Variants in RGS14 observed in about 807,000 individuals in gnomAD.
RGS14 encodes regulator of G-protein signaling 14.
In RGS14, 33 loss-of-function variants were observed where a neutral mutation model predicts 63.8. That is an observed-to-expected ratio of 0.52 (90% CI 0.39 to 0.69). RGS14 has a LOEUF of 0.69. Among genes scored for constraint, RGS14 ranks in the 30% least tolerant of loss-of-function variants. RGS14 has a pLI of 0.00. For missense variants in RGS14, 739 were observed against 742.9 expected (o/e 0.99, Z 0.06); for synonymous variants, 296 against 320.9 (o/e 0.92, Z 0.83).
At chr5:177,365,555 A>G (rs1189147852) in intron 1 of RGS14, among the ~76,000 whole-genome samples, 6 of 152,162 alleles carry the variant, frequency 3.9e-5, no homozygotes. Flanking sequence ...ATGGAAGCAA[A>G]TGGTTTGCCT....
intron 1 of RGS14, 122 bp from the exon 2 acceptor site, chr5:177,365,841 A>G: frequency 1.0e-6 from 1 of 983,044 alleles, no homozygotes; most frequent in South Asian, 1.3e-5. Context: ...ACCAAGTAGA[A>G]CCTGGCCGGG....
Position 177,358,659 on chromosome 5 carries a change from C to T in RGS14, c.45+590C>T, listed in dbSNP as rs1224047312. 1.3e-5 allele frequency among the ~76,000 whole-genome samples: 2 copies of T among 152,208 alleles called. No individual in the cohort carries two copies. Among genetic ancestry groups the T allele is most frequent in the Admixed American group, 6.5e-5 (1 of 15,288 alleles). ...CCAGGAAGGGCTGAGCACTAAGATCCCCCTGGCTGCAGCTGCCCCACCCCT... is the reference window on the plus strand; with the variant it reads ...CCAGGAAGGGCTGAGCACTAAGATCTCCCTGGCTGCAGCTGCCCCACCCCT... On this transcript the variant is annotated intron_variant, in intron 1 of 14. Transcript: ENST00000408923. This position sits in a 1 kb window ranked among gnomAD's most constrained non-coding sequence, Gnocchi z 4.8.
intron 10 of RGS14, 114 bp from the exon 11 acceptor site, chr5:177,370,791 T>C (rs1464803050): frequency 1.7e-6 from 2 of 1,171,318 alleles, no homozygotes; most frequent in African/African-American, 1.6e-5. Flanking sequence ...CCCCGCCCCC[T>C]ACAAGCCAGT....
chr5:177,371,351 T>G lies in RGS14; in HGVS notation c.1338T>G (p.Gly446=), dbSNP rs1762264950. ...TAACTGTGGCCCTCTCTGCTGCAGG[T>G]GTGAAGATCTCCAAAGCCCGTGACA... ...AQRLVLDTLP[G]VKISKARDKS... The change falls in exon 13 of 15, where the codon GGT becomes GGG. Residue 446 remains glycine, a splice_region_variant and synonymous_variant. Transcript: ENST00000408923. The surrounding 1 kb of genome is among the most constrained non-coding windows in gnomAD (Gnocchi z 6.1). The G allele has an allele frequency of 6.2e-7, 1 of 1,613,612 alleles. No individual in the cohort carries two copies. Among genetic ancestry groups the G allele is most frequent in the Non-Finnish European group, 8.5e-7 (1 of 1,179,920 alleles).
intron 9 of RGS14, among the ~76,000 whole-genome samples, chr5:177,370,000 C>A (rs1190690289): frequency 1.3e-5 from 2 of 152,232 alleles, no homozygotes; most frequent in East Asian, 3.8e-4. Flanking sequence ...TGTTTATGTA[C>A]CTACTGTGTG....
chr5:177,369,986 T>TTACTGTTTATGTACC (rs1762199411), intron 9 of RGS14, among the ~76,000 whole-genome samples: 1 of 152,082 alleles, frequency 6.6e-6, no homozygotes. Flanking sequence ...ATCACGAGAG[T>TTACTGTTTATGTACC]TACTGTTTAT....
chr5:177,369,983 G>C (rs939761173), intron 9 of RGS14, among the ~76,000 whole-genome samples: 4 of 152,260 alleles, frequency 2.6e-5, no homozygotes, highest in Non-Finnish European at 5.9e-5. Flanking sequence ...GTCATCACGA[G>C]AGTTACTGTT....
chr5:177,371,459 C>T lies in RGS14; in HGVS notation c.1384-16C>T, dbSNP rs1158572539. ...TCTCCCCTCCCGATTTTGGCTCTGA[C>T]CCCAAATTCTCGCAGGGCTGCCCAC... is the stretch of plus-strand genomic sequence containing the variant. On this transcript the variant is annotated splice_polypyrimidine_tract_variant and intron_variant, in intron 13 of 14. Coordinates refer to ENST00000408923, the MANE Select transcript of RGS14 (RefSeq NM_006480.5). This position sits in a 1 kb window ranked among gnomAD's most constrained non-coding sequence, Gnocchi z 6.1. The T allele has an allele frequency of 6.2e-7, 1 of 1,614,078 alleles. No homozygotes were observed. Among genetic ancestry groups the T allele is most frequent in the Admixed American group, 1.7e-5 (1 of 60,014 alleles).
rs1268782905 is a variant in RGS14 at position 177,358,723 on chromosome 5, G to T, written c.45+654G>T. 6.6e-6 allele frequency among the ~76,000 whole-genome samples: 1 copy of T among 152,360 alleles called. No homozygotes were observed. The highest frequency in any genetic ancestry group is 1.9e-4 in the East Asian group (1 of 5,188). On this transcript the variant is annotated intron_variant, in intron 1 of 14. Transcript: ENST00000408923. This position sits in a 1 kb window ranked among gnomAD's most constrained non-coding sequence, Gnocchi z 4.8. ...GGCTGCTTAGCCCCAGATCAGAGCTGCCCTCAGAGGATCTGGCTCTTCTCA... is the reference window on the plus strand; with the variant it reads ...GGCTGCTTAGCCCCAGATCAGAGCTTCCCTCAGAGGATCTGGCTCTTCTCA...
intron 1 of RGS14, among the ~76,000 whole-genome samples, chr5:177,360,777 G>C (rs1238939807): frequency 6.6e-6 from 1 of 152,152 alleles, no homozygotes; most frequent in Non-Finnish European, 1.5e-5. Flanking sequence ...GCTGGGCGTG[G>C]TGGTATGTGC....
Position 177,366,968 on chromosome 5 carries a change from G to A in RGS14, c.417G>A (p.Gln139=). 1 of 1,613,862 alleles carries A rather than the reference G, an allele frequency of 6.2e-7. No homozygotes were observed. The highest frequency in any genetic ancestry group is 1.1e-5 in the South Asian group (1 of 91,042). ...TGAGCCCAGTGAACATCGACCGTCA[G>A]GCCTGGCTTGGCGAGGAGGTGCTGG... The part of the protein sequence containing the change: ...QALSPVNIDR[Q]AWLGEEVLAE... The change falls in exon 5 of 15, where the codon CAG becomes CAA. Residue 139 remains glutamine (Q), a synonymous_variant. Coordinates refer to ENST00000408923, the MANE Select transcript of RGS14 (RefSeq NM_006480.5).
chr5:177,368,704 T>C lies in RGS14; in HGVS notation c.850-13T>C. 1 of 1,613,716 alleles carries C rather than the reference T, an allele frequency of 6.2e-7. No individual in the cohort carries two copies. Among genetic ancestry groups the C allele is most frequent in the Non-Finnish European group, 8.5e-7 (1 of 1,179,908 alleles). Reference sequence around the variant, plus strand: ...GTGTACACATAATCTCCCCCACTCCTGCCATGAATCAGAGCCACCGGAAGA... The same window carrying C: ...GTGTACACATAATCTCCCCCACTCCCGCCATGAATCAGAGCCACCGGAAGA... On this transcript the variant is annotated splice_polypyrimidine_tract_variant and intron_variant, in intron 8 of 14. Coordinates refer to ENST00000408923, the MANE Select transcript of RGS14 (RefSeq NM_006480.5).
In RGS14 at chr5:177,370,952, C is replaced by G. The variant is rs746670449; in HGVS notation, c.1175C>G (p.Pro392Arg). ...CGCGTGGTACGAATCTCAGCCAAGC[C>G]CACCAAGCGGCTGCAGGAGGCGCTG... is the stretch of plus-strand genomic sequence containing the variant. ...LERVVRISAK[P>R]TKRLQEALQP... is the part of the protein sequence containing the mutation. Residue 392 changes from proline to arginine, a missense_variant, in exon 11 of 15, where the codon CCC becomes CGC. By Grantham distance (103) the Pro-to-Arg change is moderately radical. Transcript: ENST00000408923. The G allele has an allele frequency of 1.2e-6, 2 of 1,608,242 alleles. No homozygotes were observed. Among genetic ancestry groups the G allele is most frequent in the African/African-American group, 2.7e-5 (2 of 74,858 alleles).
Position 177,371,757 on chromosome 5 carries a change from A to C in RGS14, c.1499-116A>C, listed in dbSNP as rs1290798015. On this transcript the variant is annotated intron_variant, in intron 14 of 14. Coordinates refer to ENST00000408923, the MANE Select transcript of RGS14 (RefSeq NM_006480.5). This position sits in a 1 kb window ranked among gnomAD's most constrained non-coding sequence, Gnocchi z 6.1. ...CAAAGGGGCTGGAACAGGGGGCCGC[A>C]GGCCATTGGTGCTGGGGCCAGGGAG... 1 of 1,278,466 alleles carries C rather than the reference A, an allele frequency of 7.8e-7. No homozygotes were observed. Among genetic ancestry groups the C allele is most frequent in the East Asian group, 2.4e-5 (1 of 41,654 alleles). 79.2% of individuals were successfully genotyped at this position (1,278,466 alleles called of 1,614,324 possible).
chr5:177,369,815 G>A (rs545322037), intron 9 of RGS14, among the ~76,000 whole-genome samples: 10 of 152,332 alleles, frequency 6.6e-5, no homozygotes, highest in African/African-American at 1.7e-4. Flanking sequence ...CCGCTAGGGC[G>A]GCTGCCAGCA....
chr5:177,366,220 C>T lies in RGS14; in HGVS notation c.111C>T (p.Arg37=), dbSNP rs760570278. ...TTGPQGQGEG[R]GSSLSIHSLP... ...GGCCCCAGGGCCAGGGCGAGGGCCG[C>T]GGCAGCTCTCTCAGCATCCACAGCC... Residue 37 remains arginine (R), a synonymous_variant, in exon 3 of 15, where the codon CGC becomes CGT. Transcript: ENST00000408923. 8.7e-6 allele frequency: 14 copies of T among 1,602,594 alleles called. No homozygotes were observed. The highest frequency in any genetic ancestry group is 3.4e-5 in the South Asian group (3 of 89,540).
chr5:177,368,875 C>G lies in RGS14; in HGVS notation c.1008C>G (p.Gly336=). The stretch of plus-strand genomic sequence containing the variant: ...TGGCAGGGATCTGTGAGAAACGAGG[C>G]CTCTCTCTACCTGACATCAAGGTCT... ...DMLAGICEKR[G]LSLPDIKVYL... Residue 336 remains glycine, a synonymous_variant, in exon 9 of 15, where the codon GGC becomes GGG. Coordinates refer to ENST00000408923, the MANE Select transcript of RGS14 (RefSeq NM_006480.5). The G allele has an allele frequency of 6.2e-7, 1 of 1,614,178 alleles. No individual in the cohort carries two copies. The highest frequency in any genetic ancestry group is 8.5e-7 in the Non-Finnish European group (1 of 1,180,032).
intron 1 of RGS14, among the ~76,000 whole-genome samples, chr5:177,363,096 CG>C (rs1013235429): frequency 6.6e-6 from 1 of 152,118 alleles, no homozygotes; most frequent in South Asian, 2.1e-4. Context: ...GCGGTGCAGC[CG>C]GGGGAGGAGG....
intron 6 of RGS14, 48 bp from the exon 7 acceptor site, chr5:177,367,666 T>A (rs754016735): frequency 6.3e-7 from 1 of 1,595,530 alleles, no homozygotes; most frequent in Non-Finnish European, 8.5e-7. Context: ...ACGGTCTGCA[T>A]GCGGGCTGGG....
Sources: gnomAD v4.1 joint callset for allele counts (sites outside exome capture counted in the v4.1 genomes callset) on GRCh38, gnomAD v4.1.1 for gene constraint, Gnocchi (gnomAD v3.1) non-coding constraint, MANE v1.5 for transcripts, NCBI Gene and HGNC (gene_info 2026-07-23, HGNC 2026-07-21) for gene names.